Variants in NDST4 observed in about 807,000 individuals in gnomAD.
The protein encoded by NDST4 is N-deacetylase and N-sulfotransferase 4.
A neutral mutation model predicts 100.8 loss-of-function variants in NDST4; 63 were observed. The observed-to-expected ratio is 0.62, with a 90% CI of 0.51 to 0.77. The LOEUF (loss-of-function observed/expected upper bound fraction) is 0.77, where lower values mean the gene tolerates loss of function less well. NDST4 is among the 30% of genes least tolerant of loss of function. The pLI is 0.00. For synonymous variants in NDST4, 377 were observed against 361.8 expected (o/e 1.04, Z -0.48); for missense variants, 943 against 1,018.4 (o/e 0.93, Z 1.01).
chr4:114,947,339 C>G (rs974263231), intron 4 of NDST4, among the ~76,000 whole-genome samples: 3 of 152,048 alleles, frequency 2.0e-5, no homozygotes, highest in Admixed American at 1.3e-4. Context: ...TTGGCTCTTG[C>G]AAGAGGTTGA....
chr4:115,004,756 T>C (rs1050979398), intron 2 of NDST4, among the ~76,000 whole-genome samples: 7 of 152,192 alleles, frequency 4.6e-5, no homozygotes, highest in African/African-American at 1.7e-4. Flanking sequence ...TCTTTAGTAC[T>C]TAATATTTCA....
At chr4:114,893,048 T>C (rs1341142511) in intron 6 of NDST4, among the ~76,000 whole-genome samples, 1 of 152,122 alleles carries the variant, frequency 6.6e-6, no homozygotes, top group Non-Finnish European at 1.5e-5. Flanking sequence ...TCCATCTTCA[T>C]CCATGTCCCT....
chr4:114,991,569 T>G (rs1195605800), intron 2 of NDST4, among the ~76,000 whole-genome samples: 2 of 152,046 alleles, frequency 1.3e-5, no homozygotes, highest in Admixed American at 1.3e-4. Context: ...TGCTAAAATG[T>G]GACATTCCTG....
Position 114,845,883 on chromosome 4 carries a change from G to A in NDST4, c.2055C>T (p.Pro685=), listed in dbSNP as rs926966001. ...EAPRRAASLV[P]KAKIITILID... ...TGAGGATGGTGATGATCTTGGCTTT[G>A]GGGACAAGAGATGCGGCTCGTCTTG... The change falls in exon 10 of 14, where the codon CCC becomes CCT. Residue 685 remains proline (P), a synonymous_variant. Coordinates refer to ENST00000264363, the MANE Select transcript of NDST4 (RefSeq NM_022569.3). 1.2e-6 allele frequency: 2 copies of A among 1,613,954 alleles called. No homozygotes were observed. Among genetic ancestry groups the A allele is most frequent in the African/African-American group, 2.7e-5 (2 of 74,900 alleles).
intron 4 of NDST4, among the ~76,000 whole-genome samples, chr4:114,940,177 C>A (rs1725718307): frequency 6.6e-6 from 1 of 152,140 alleles, no homozygotes; most frequent in Non-Finnish European, 1.5e-5. Flanking sequence ...AGAATAATGT[C>A]TCTTACAGGA....
chr4:115,103,564 C>CT (rs1056327720), intron 1 of NDST4, among the ~76,000 whole-genome samples: 1 of 151,910 alleles, frequency 6.6e-6, no homozygotes, highest in Non-Finnish European at 1.5e-5. Context: ...TGGTTTCCAC[C>CT]TTTTATTTAC....
chr4:115,058,733 A>T (rs1728753576), intron 2 of NDST4, among the ~76,000 whole-genome samples: 3 of 152,072 alleles, frequency 2.0e-5, no homozygotes, highest in African/African-American at 7.2e-5. Flanking sequence ...AACCAGTTTC[A>T]ATTTCAAGGT....
intron 2 of NDST4, among the ~76,000 whole-genome samples, chr4:114,999,768 A>G (rs1275609242): frequency 6.6e-6 from 1 of 152,032 alleles, no homozygotes; most frequent in African/African-American, 2.4e-5. Flanking sequence ...GTATCCTAAA[A>G]TATGGAAGTC....
intron 9 of NDST4, among the ~76,000 whole-genome samples, chr4:114,846,629 C>T (rs1175824099): frequency 6.6e-6 from 1 of 152,124 alleles, no homozygotes; most frequent in African/African-American, 2.4e-5. Context: ...GCTGTCAAAA[C>T]GTTCCTCTGC....
intron 11 of NDST4, among the ~76,000 whole-genome samples, chr4:114,836,498 T>C (rs925114532): frequency 1.3e-5 from 2 of 152,358 alleles, no homozygotes; most frequent in East Asian, 1.9e-4. Flanking sequence ...GTTAGTCTGA[T>C]GGACTTCCCT....
At chr4:115,084,884 C>T (rs942813082) in intron 1 of NDST4, among the ~76,000 whole-genome samples, 1 of 152,092 alleles carries the variant, frequency 6.6e-6, no homozygotes, top group African/African-American at 2.4e-5. Flanking sequence ...GCCACCCCCC[C>T]CACAGTCCCT....
intron 12 of NDST4, among the ~76,000 whole-genome samples, chr4:114,833,170 T>G (rs72906927): frequency 6.6e-4 from 100 of 152,332 alleles, no homozygotes; most frequent in African/African-American, 2.4e-3. Flanking sequence ...TATTTGGTTA[T>G]AAATAATTTA....
At chr4:114,880,649 G>C (rs977209212) in intron 6 of NDST4, among the ~76,000 whole-genome samples, 2 of 152,112 alleles carry the variant, frequency 1.3e-5, no homozygotes, top group Non-Finnish European at 2.9e-5. Context: ...CTTAATAAGT[G>C]CCTGGCAGTC....
intron 2 of NDST4, among the ~76,000 whole-genome samples, chr4:115,020,334 T>C (rs945028961): frequency 2.6e-5 from 4 of 152,094 alleles, no homozygotes; most frequent in Admixed American, 6.6e-5. Context: ...TGCGGATAAT[T>C]TGGGTTAATT....
intron 2 of NDST4, among the ~76,000 whole-genome samples, chr4:115,075,856 T>C (rs930700723): frequency 2.2e-4 from 33 of 151,342 alleles, no homozygotes; most frequent in Non-Finnish European, 2.4e-4. Flanking sequence ...ATTTTAGCTC[T>C]GTCCCATTCT....
intron 1 of NDST4, among the ~76,000 whole-genome samples, chr4:115,093,935 A>G (rs1729570423): frequency 1.3e-5 from 2 of 152,088 alleles, no homozygotes; most frequent in South Asian, 4.1e-4. Flanking sequence ...TGAGCAGAAC[A>G]CATTCAGATA....
chr4:114,910,596 T>C (rs1560807955), intron 6 of NDST4, among the ~76,000 whole-genome samples: 2 of 152,216 alleles, frequency 1.3e-5, no homozygotes, highest in Admixed American at 6.5e-5. Flanking sequence ...TCTGCAGATA[T>C]ATCATTCAGT....
intron 6 of NDST4, among the ~76,000 whole-genome samples, chr4:114,916,566 G>GTT (rs1725173127): frequency 6.7e-6 from 1 of 149,382 alleles, no homozygotes; most frequent in African/African-American, 2.5e-5. Flanking sequence ...GTGTGTGTGT[G>GTT]TGTGTGTGTG....
chr4:114,877,963 A>T (rs1724291211), intron 6 of NDST4, among the ~76,000 whole-genome samples: 1 of 152,074 alleles, frequency 6.6e-6, no homozygotes, highest in Non-Finnish European at 1.5e-5. Flanking sequence ...GAGGAAAAAA[A>T]AAATAAAGAA....
Sources: allele counts gnomAD v4.1 joint callset (sites outside exome capture counted in the v4.1 genomes callset), GRCh38; gene constraint gnomAD v4.1.1; transcripts MANE v1.5; gene names NCBI Gene and HGNC (gene_info 2026-07-23, HGNC 2026-07-21).